LRP1B: variants seen among roughly 807,000 people sequenced by gnomAD.
LRP1B encodes the protein low-density lipoprotein receptor-related protein 1B.
Under a neutral mutation model 556.6 loss-of-function variants are expected in LRP1B, and 217 were observed. The ratio of observed to expected loss-of-function variants is 0.39; its 90% CI spans 0.35 to 0.44. LRP1B has a LOEUF of 0.44. Among genes scored for constraint, LRP1B ranks in the 20% least tolerant of loss-of-function variants. The pLI is 1.00. For missense variants in LRP1B, 5,053 were observed against 5,620.8 expected (o/e 0.90, Z 3.23); for synonymous variants, 2,047 against 1,865.8 (o/e 1.10, Z -2.50).
chr2:141,846,018 G>C (rs937058447), intron 1 of LRP1B, among the ~76,000 whole-genome samples: 1 of 151,632 alleles, frequency 6.6e-6, no homozygotes, highest in Admixed American at 6.6e-5. Context: ...TAAAGAGAGA[G>C]AGAGAGAGAA....
At chr2:141,723,269 T>A (rs1316264218) in intron 2 of LRP1B, among the ~76,000 whole-genome samples, 2 of 151,162 alleles carry the variant, frequency 1.3e-5, no homozygotes, top group Non-Finnish European at 3.0e-5. Flanking sequence ...TTTGTTTTTT[T>A]CACTGTGAAC....
At chr2:140,965,889 C>CTT (rs36155375) in intron 18 of LRP1B, among the ~76,000 whole-genome samples, 4,966 of 150,690 alleles carry the variant, frequency 0.033, 185 homozygotes, top group African/African-American at 0.091. Context: ...TGAACTCATC[C>CTT]TTTTTTTATG....
intron 2 of LRP1B, among the ~76,000 whole-genome samples, chr2:141,620,173 G>T (rs1050965934): frequency 6.6e-6 from 1 of 152,120 alleles, no homozygotes; most frequent in Non-Finnish European, 1.5e-5. Context: ...GGCTGGTTTT[G>T]AACTCATGGC....
At chr2:140,628,553 T>A (rs1257262783) in intron 41 of LRP1B, among the ~76,000 whole-genome samples, 3 of 120,062 alleles carry the variant, frequency 2.5e-5, no homozygotes, top group African/African-American at 6.2e-5. Context: ...AAAAAAAAAA[T>A]TATGTCTATC....
At position 141,197,122 on chromosome 2, in the gene LRP1B, T is replaced by G. The variant is rs547094077; in HGVS notation, c.851-8539A>C. Among the ~76,000 whole-genome samples, 14 of 152,288 alleles carry G rather than the reference T, an allele frequency of 9.2e-5. No homozygotes were observed. In the East Asian group the frequency reaches 2.5e-3, roughly 27 times the overall value. The stretch of plus-strand genomic sequence containing the variant: ...CTTTGAATCAATTAAGCCTCTTTCC[T>G]TTATAAATTATCCAGTCTCAGGTAT... On this transcript the variant is annotated intron_variant, in intron 6 of 90. Transcript: ENST00000389484.
At chr2:140,743,945 G>A (rs1269703564) in intron 35 of LRP1B, among the ~76,000 whole-genome samples, 6 of 120,406 alleles carry the variant, frequency 5.0e-5, no homozygotes, top group African/African-American at 1.6e-4. Context: ...CCAGCCTGGC[G>A]ACAGAGTGAG....
At chr2:141,226,557 A>G (rs1004223334) in intron 6 of LRP1B, among the ~76,000 whole-genome samples, 8 of 152,164 alleles carry the variant, frequency 5.3e-5, no homozygotes, top group African/African-American at 1.9e-4. Context: ...CTCTTCAGGT[A>G]AGAGAAAAGC....
At chr2:141,933,479 A>G (rs1700557553) in intron 1 of LRP1B, among the ~76,000 whole-genome samples, 1 of 152,122 alleles carries the variant, frequency 6.6e-6, no homozygotes, top group East Asian at 1.9e-4. Flanking sequence ...ATAAAACCAA[A>G]GGCCTACATG....
Position 141,212,365 on chromosome 2 carries a change from G to A in LRP1B, c.850+16818C>T, listed in dbSNP as rs547032603. Among the ~76,000 whole-genome samples the A allele has an allele frequency of 3.1e-3, 424 of 135,084 alleles. 3 individuals carry two copies. The highest frequency in any genetic ancestry group is 0.011 in the African/African-American group (397 of 35,556). The allele number at this position is 135,084 out of a possible 152,430, so 88.6% of individuals were successfully genotyped here. On this transcript the variant is annotated intron_variant, in intron 6 of 90. Transcript: ENST00000389484. ...ACCATCTCGGCTCACTGCAAGCTCCGCCTCCTGGGTTCACGCCATTCTCCT... is the reference window on the plus strand; with the variant it reads ...ACCATCTCGGCTCACTGCAAGCTCCACCTCCTGGGTTCACGCCATTCTCCT...
intron 7 of LRP1B, among the ~76,000 whole-genome samples, chr2:141,073,933 TTTC>T (rs1291764379): frequency 6.6e-6 from 1 of 152,056 alleles, no homozygotes; most frequent in East Asian, 1.9e-4. Flanking sequence ...TGTATCTCAG[TTTC>T]TTAAGCCATT....
intron 6 of LRP1B, among the ~76,000 whole-genome samples, chr2:141,192,629 C>T (rs1398826300): frequency 6.6e-6 from 1 of 151,564 alleles, no homozygotes; most frequent in African/African-American, 2.4e-5. Context: ...CTGGATTTTG[C>T]TCTCATTGTT....
intron 41 of LRP1B, among the ~76,000 whole-genome samples, chr2:140,651,526 T>TAAAA (rs558677783): frequency 8.8e-4 from 94 of 106,968 alleles, no homozygotes; most frequent in East Asian, 1.8e-3. Context: ...ATACAAAAAT[T>TAAAA]AAAAAAAAAA....
At chr2:141,117,254 T>A (rs994009361) in intron 7 of LRP1B, among the ~76,000 whole-genome samples, 10 of 118,552 alleles carry the variant, frequency 8.4e-5, no homozygotes, top group Non-Finnish European at 1.3e-4. Flanking sequence ...TTTTTTTTTT[T>A]AACAATTCAA....
intron 1 of LRP1B, among the ~76,000 whole-genome samples, chr2:141,976,922 G>C (rs1251505005): frequency 1.3e-5 from 2 of 152,044 alleles, no homozygotes; most frequent in Non-Finnish European, 2.9e-5. Context: ...AAATGGGGAA[G>C]ACAATTTAAG....
At chr2:141,719,212 T>C (rs1164082440) in intron 2 of LRP1B, among the ~76,000 whole-genome samples, 6 of 152,124 alleles carry the variant, frequency 3.9e-5, no homozygotes, top group Non-Finnish European at 7.4e-5. Context: ...TTGAAGTCAG[T>C]TTAGAAGGAG....
chr2:141,563,481 T>G (rs1686233068), intron 2 of LRP1B, among the ~76,000 whole-genome samples: 1 of 151,738 alleles, frequency 6.6e-6, no homozygotes, highest in South Asian at 2.1e-4. Context: ...TTAGGGAAGC[T>G]AGAAGAAAAT....
rs373892874 is a variant in LRP1B, at chr2:140,582,432, G to C, written c.7194+16199C>G. On this transcript the variant is annotated intron_variant, in intron 43 of 90. Transcript: ENST00000389484. ...TCTGCCCAAAGCAGGGTTATAATTG[G>C]TGCTACGGTTCGAATGTCTTCCAAA... 9.9e-5 allele frequency among the ~76,000 whole-genome samples: 15 copies of C among 152,280 alleles called. No homozygotes were observed. The East Asian group carries it at 1.9e-3, about 20-fold the overall frequency.
At chr2:140,282,243 A>C (rs1406815032) in intron 84 of LRP1B, among the ~76,000 whole-genome samples, 1 of 151,816 alleles carries the variant, frequency 6.6e-6, no homozygotes, top group East Asian at 1.9e-4. Flanking sequence ...GATGTAAATG[A>C]TAATTACGAT....
intron 1 of LRP1B, among the ~76,000 whole-genome samples, chr2:142,083,505 G>A (rs1258968528): frequency 6.6e-6 from 1 of 152,108 alleles, no homozygotes; most frequent in African/African-American, 2.4e-5. Flanking sequence ...AAGGCTCTTA[G>A]AGTTTATCAT....
Sources: allele counts gnomAD v4.1 joint callset (sites outside exome capture counted in the v4.1 genomes callset), GRCh38; gene constraint gnomAD v4.1.1; transcripts MANE v1.5; gene names NCBI Gene and HGNC (gene_info 2026-07-23, HGNC 2026-07-21).